SLC41A2: variants seen among roughly 807,000 people sequenced by gnomAD.
SLC41A2 encodes solute carrier family 41 member 2.
SLC41A2 carries 32 observed loss-of-function variants against 58.3 expected under a neutral mutation model. The observed-to-expected ratio is 0.55, with a 90% CI of 0.41 to 0.74. SLC41A2 has a LOEUF of 0.74. Among genes scored for constraint, SLC41A2 ranks in the 30% least tolerant of loss-of-function variants. The pLI, the probability that SLC41A2 is intolerant of heterozygous loss-of-function variation, is 0.00. For missense variants in SLC41A2, 514 were observed against 680.6 expected, an observed-to-expected ratio of 0.76 and a Z score of 2.72; for synonymous variants, 190 against 235.0, an observed-to-expected ratio of 0.81 and a Z score of 1.75.
intron 3 of SLC41A2, among the ~76,000 whole-genome samples, chr12:104,899,122 T>C (rs2045439177): frequency 6.6e-6 from 1 of 152,212 alleles, no homozygotes; most frequent in African/African-American, 2.4e-5. Context: ...TTTAATTCTT[T>C]TTTTTTATAG....
chr12:104,944,231 C>T (rs2047623759), intron 1 of SLC41A2, among the ~76,000 whole-genome samples: 1 of 152,206 alleles, frequency 6.6e-6, no homozygotes, highest in South Asian at 2.1e-4. Flanking sequence ...TAGCATTCTG[C>T]CATGAACTGG....
intron 6 of SLC41A2, among the ~76,000 whole-genome samples, chr12:104,879,420 T>A (rs1406559794): frequency 1.3e-5 from 2 of 152,234 alleles, no homozygotes; most frequent in African/African-American, 4.8e-5. Context: ...CTAGGTTTTC[T>A]TCTAGGGTTT....
At chr12:104,854,805 ATC>A (rs1315374446) in intron 8 of SLC41A2, among the ~76,000 whole-genome samples, 1 of 152,010 alleles carries the variant, frequency 6.6e-6, no homozygotes, top group African/African-American at 2.4e-5. Flanking sequence ...AGAGAAATGA[ATC>A]TCTCTACTTT....
At chr12:104,949,704 C>T (rs187763573) in intron 1 of SLC41A2, among the ~76,000 whole-genome samples, 17 of 152,298 alleles carry the variant, frequency 1.1e-4, no homozygotes, top group Admixed American at 4.6e-4. Flanking sequence ...CTGCCTCAGC[C>T]TCCTGAGTAG....
intron 10 of SLC41A2, among the ~76,000 whole-genome samples, chr12:104,816,241 A>G (rs910258842): frequency 6.6e-6 from 1 of 152,226 alleles, no homozygotes; most frequent in African/African-American, 2.4e-5. Context: ...CCAAAAAACA[A>G]GAACACAAAA....
chr12:104,903,774 G>C (rs2045674155), intron 3 of SLC41A2, among the ~76,000 whole-genome samples: 1 of 152,082 alleles, frequency 6.6e-6, no homozygotes, highest in Admixed American at 6.6e-5. Flanking sequence ...CAGTAGCACA[G>C]CTCTCAACCA....
rs1326242508 is a variant in SLC41A2 at position 104,936,119 on chromosome 12, T to C, written c.-167-7425A>G. On this transcript the variant is annotated intron_variant, in intron 1 of 10. Transcript: ENST00000258538. The stretch of plus-strand genomic sequence containing the variant: ...ATAGCATGAGGCATTAGCCACATGT[T>C]TGTGGTGATGCTGGTATAAATACAC... Among the ~76,000 whole-genome samples, 4 of 152,184 alleles carry C rather than the reference T, an allele frequency of 2.6e-5. No homozygotes were observed. In the East Asian group the frequency reaches 7.7e-4, roughly 29 times the overall value.
At chr12:104,951,307 CTG>C (rs2047943796) in intron 1 of SLC41A2, among the ~76,000 whole-genome samples, 1 of 152,132 alleles carries the variant, frequency 6.6e-6, no homozygotes. Flanking sequence ...AATTAAGACT[CTG>C]TGGAATATAA....
At chr12:104,935,120 G>C (rs1007059023) in intron 1 of SLC41A2, among the ~76,000 whole-genome samples, 3 of 152,060 alleles carry the variant, frequency 2.0e-5, no homozygotes, top group African/African-American at 7.2e-5. Context: ...ACCACGCCCG[G>C]CTAATTTTTT....
chr12:104,932,324 T>A (rs1365295411), intron 1 of SLC41A2, among the ~76,000 whole-genome samples: 6 of 152,100 alleles, frequency 3.9e-5, no homozygotes, highest in African/African-American at 1.4e-4. Context: ...ATCTTCAAAC[T>A]ATACTATAAG....
At chr12:104,923,120 T>C (rs2046672640) in intron 2 of SLC41A2, among the ~76,000 whole-genome samples, 1 of 149,228 alleles carries the variant, frequency 6.7e-6, no homozygotes, top group African/African-American at 2.5e-5. Flanking sequence ...CCCAGCACTT[T>C]GGGAGGCCGA....
At chr12:104,878,580 G>A (rs139532279) in intron 6 of SLC41A2, among the ~76,000 whole-genome samples, 5 of 151,670 alleles carry the variant, frequency 3.3e-5, no homozygotes, top group Admixed American at 6.6e-5. Flanking sequence ...TTCTGTCCAT[G>A]CAACAGTTTG....
At position 104,942,050 on chromosome 12, in the gene SLC41A2, T is replaced by C. The variant is rs1436964478; in HGVS notation, c.-167-13356A>G. 3.9e-5 allele frequency among the ~76,000 whole-genome samples: 6 copies of C among 152,176 alleles called. No homozygotes were observed. The South Asian group carries it at 8.3e-4, about 21-fold the overall frequency. On this transcript the variant is annotated intron_variant, in intron 1 of 10. Transcript: ENST00000258538. ...TGGCAAACAAGGTGAATTAGAGAAC[T>C]CTATTTTGAAGTTGAGAAAGTGCTT... is the stretch of plus-strand genomic sequence containing the variant.
intron 2 of SLC41A2, among the ~76,000 whole-genome samples, chr12:104,915,621 T>C (rs1026382814): frequency 1.6e-4 from 25 of 152,372 alleles, no homozygotes; most frequent in Middle Eastern, 3.4e-3. Flanking sequence ...ATTGATTTTG[T>C]ATCCTGAGAC....
At chr12:104,897,600 C>A (rs1033058788) in intron 3 of SLC41A2, among the ~76,000 whole-genome samples, 1 of 151,430 alleles carries the variant, frequency 6.6e-6, no homozygotes, top group Non-Finnish European at 1.5e-5. Context: ...TAAGATAAAA[C>A]AATAAATAAC....
At chr12:104,817,445 T>G (rs2041456399) in intron 10 of SLC41A2, among the ~76,000 whole-genome samples, 1 of 152,200 alleles carries the variant, frequency 6.6e-6, no homozygotes, top group South Asian at 2.1e-4. Flanking sequence ...GTAACTTTAC[T>G]TTATAAATTT....
intron 3 of SLC41A2, among the ~76,000 whole-genome samples, chr12:104,905,943 G>A (rs1161551218): frequency 6.6e-6 from 1 of 152,244 alleles, no homozygotes; most frequent in Non-Finnish European, 1.5e-5. Flanking sequence ...GCCTTGGCCA[G>A]CCCAGAAAGG....
At chr12:104,931,840 A>G (rs1399888838) in intron 1 of SLC41A2, 1 of 152,240 alleles carries the variant, frequency 6.6e-6, no homozygotes, top group African/African-American at 2.4e-5. Flanking sequence ...TCCTGACAAC[A>G]TAATTAGAAT....
intron 1 of SLC41A2, among the ~76,000 whole-genome samples, chr12:104,934,301 C>A (rs2047180215): frequency 1.3e-5 from 2 of 152,184 alleles, no homozygotes; most frequent in South Asian, 4.1e-4. Context: ...TTATGCTAAT[C>A]TAATAGTAGC....
Sources: allele counts gnomAD v4.1 joint callset (sites outside exome capture counted in the v4.1 genomes callset), GRCh38; gene constraint gnomAD v4.1.1; transcripts MANE v1.5; gene names NCBI Gene and HGNC (gene_info 2026-07-23, HGNC 2026-07-21).